KLHL8: variants seen among roughly 807,000 people sequenced by gnomAD.
KLHL8 encodes kelch-like protein 8.
In KLHL8, 38 loss-of-function variants were observed where a neutral mutation model predicts 63.5. That is an observed-to-expected ratio of 0.60 (90% confidence interval 0.46 to 0.78). The LOEUF (loss-of-function observed/expected upper bound fraction) is 0.78, where lower values mean the gene tolerates loss of function less well. Ranked by LOEUF, KLHL8 falls within the 30% of genes least tolerant of loss-of-function variation. The pLI, the probability that KLHL8 is intolerant of heterozygous loss-of-function variation, is 0.00. For missense variants in KLHL8, 566 were observed against 752.4 expected, an observed-to-expected ratio of 0.75 and a Z score of 2.90; for synonymous variants, 224 against 254.3, an observed-to-expected ratio of 0.88 and a Z score of 1.13.
chr4:87,198,867 T>C (rs1022107795), intron 1 of KLHL8, among the ~76,000 whole-genome samples: 4 of 152,172 alleles, frequency 2.6e-5, no homozygotes, highest in Non-Finnish European at 5.9e-5. Flanking sequence ...AACCAAGAGG[T>C]AGAAGCAGCC....
rs548954287 is a variant in KLHL8, at chr4:87,196,138, G to C, written c.-151-448C>G. On this transcript the variant is annotated intron_variant, in intron 1 of 9. Coordinates refer to ENST00000273963, the MANE Select transcript of KLHL8 (RefSeq NM_020803.5). ...CCATGAACTAAAAATCTTAAGTTTT[G>C]AGGCTTAACTGGGAGTTTTTTTTTT... Among the ~76,000 whole-genome samples the C allele has an allele frequency of 2.1e-5, 3 of 144,898 alleles. No individual in the cohort carries two copies. The East Asian group carries it at 6.2e-4, about 30-fold the overall frequency.
Position 87,163,394 on chromosome 4 carries a change from C to T in KLHL8, c.*125G>A. ...CCAAAAGTTGTACTTAGTCACAATA[C>T]AACAGTTAACATTTAAATAAGACTC... On this transcript the variant is annotated 3_prime_UTR_variant, in exon 10 of 10. Transcript: ENST00000273963. 2 of 937,336 alleles carry T rather than the reference C, an allele frequency of 2.1e-6. No individual in the cohort carries two copies. Among genetic ancestry groups the T allele is most frequent in the Non-Finnish European group, 3.2e-6 (2 of 626,290 alleles). The allele number at this position is 937,336 out of a possible 1,614,324, so 58.1% of individuals were successfully genotyped here.
chr4:87,205,412 AACACACAC>A (rs76100807), intron 1 of KLHL8, among the ~76,000 whole-genome samples: 52,312 of 151,028 alleles, frequency 0.35, 9,788 homozygotes, highest in Middle Eastern at 0.55. Context: ...GACTCAAGAA[AACACACAC>A]ACACACACAC....
intron 6 of KLHL8, 133 bp downstream of exon 6, chr4:87,176,624 C>T: frequency 1.7e-6 from 1 of 595,966 alleles, no homozygotes. Context: ...TCACTTTGGA[C>T]ATGCTAACAA....
At chr4:87,208,445 C>T (rs1578396450) in intron 1 of KLHL8, among the ~76,000 whole-genome samples, 1 of 151,554 alleles carries the variant, frequency 6.6e-6, no homozygotes, top group African/African-American at 2.4e-5. Flanking sequence ...CGGCTTATCA[C>T]AGCCTTGACC....
intron 2 of KLHL8, among the ~76,000 whole-genome samples, chr4:87,194,684 C>T (rs375107577): frequency 5.3e-5 from 8 of 152,280 alleles, no homozygotes; most frequent in Admixed American, 3.9e-4. Flanking sequence ...TCAACAAAGG[C>T]TTTTCCATAC....
upstream of KLHL8, among the ~76,000 whole-genome samples, chr4:87,224,969 G>C (rs925551479): frequency 1.3e-5 from 2 of 152,038 alleles, no homozygotes; most frequent in African/African-American, 4.8e-5. Flanking sequence ...GGGATGGGGG[G>C]ATTTTGCTAT....
chr4:87,211,449 A>T (rs1277706748), intron 1 of KLHL8, among the ~76,000 whole-genome samples: 1 of 152,174 alleles, frequency 6.6e-6, no homozygotes, highest in Non-Finnish European at 1.5e-5. Flanking sequence ...AATAGTTCCT[A>T]CTCAAAGTAT....
intron 1 of KLHL8, among the ~76,000 whole-genome samples, chr4:87,218,841 TCTC>T: frequency 6.6e-6 from 1 of 152,152 alleles, no homozygotes; most frequent in South Asian, 2.1e-4. Context: ...TTCAAGCCAT[TCTC>T]CTGTCTTAGC....
At chr4:87,172,379 G>C (rs1447720466) in intron 6 of KLHL8, among the ~76,000 whole-genome samples, 1 of 152,138 alleles carries the variant, frequency 6.6e-6, no homozygotes, top group African/African-American at 2.4e-5. Context: ...TCTTGATTCT[G>C]GCCTTGTGGG....
chr4:87,201,726 C>A (rs1262073458), intron 1 of KLHL8, among the ~76,000 whole-genome samples: 2 of 152,064 alleles, frequency 1.3e-5, no homozygotes, highest in African/African-American at 2.4e-5. Flanking sequence ...ATAAAGACAA[C>A]AGAAAACTCT....
chr4:87,236,458 C>A (rs915562348), intron 1 of KLHL8, among the ~76,000 whole-genome samples: 3 of 151,882 alleles, frequency 2.0e-5, no homozygotes, highest in Non-Finnish European at 2.9e-5. Flanking sequence ...CTGCCCGCCT[C>A]GGCCTTCCAA....
In KLHL8 at chr4:87,199,407, G is replaced by C. The variant is rs1330781810; in HGVS notation, c.-151-3717C>G. ...GACTTGAAACCATAAAGCTACTGGA[G>C]GAAAACACGTGGGGAAAAGGATTCA... On this transcript the variant is annotated intron_variant, in intron 1 of 9. Coordinates refer to ENST00000273963, the MANE Select transcript of KLHL8 (RefSeq NM_020803.5). Among the ~76,000 whole-genome samples, 4 of 152,128 alleles carry C rather than the reference G, an allele frequency of 2.6e-5. No homozygotes were observed. In the East Asian group the frequency reaches 7.7e-4, roughly 29 times the overall value.
At chr4:87,199,057 A>T (rs1367011593) in intron 1 of KLHL8, among the ~76,000 whole-genome samples, 1 of 152,226 alleles carries the variant, frequency 6.6e-6, no homozygotes, top group Non-Finnish European at 1.5e-5. Flanking sequence ...CAGATTGGAT[A>T]AGAAAAAGCA....
chr4:87,164,877 G>T (rs183485412), intron 8 of KLHL8, among the ~76,000 whole-genome samples: 34 of 152,104 alleles, frequency 2.2e-4, no homozygotes, highest in Non-Finnish European at 2.9e-4. Context: ...GGCCGGGCGC[G>T]GTGGCTCACG....
chr4:87,215,473 T>C (rs990267105), intron 1 of KLHL8, among the ~76,000 whole-genome samples: 1 of 152,156 alleles, frequency 6.6e-6, no homozygotes, highest in Non-Finnish European at 1.5e-5. Flanking sequence ...CAACTTTAAA[T>C]GAAAATATTA....
At position 87,163,423 on chromosome 4, in the gene KLHL8, T is replaced by C. The variant is rs1730251931; in HGVS notation, c.*96A>G. 3.3e-6 allele frequency: 4 copies of C among 1,221,946 alleles called. No homozygotes were observed. In the Admixed American group the frequency reaches 6.2e-5, roughly 19 times the overall value. The allele number at this position is 1,221,946 out of a possible 1,614,324, so 75.7% of individuals were successfully genotyped here. Reference sequence around the variant, plus strand: ...AGTTAACATTTAAATAAGACTCTAGTTGCAGTAAAAAGTGTTGAAAGGTGG... The same window carrying C: ...AGTTAACATTTAAATAAGACTCTAGCTGCAGTAAAAAGTGTTGAAAGGTGG... On this transcript the variant is annotated 3_prime_UTR_variant, in exon 10 of 10. Coordinates refer to ENST00000273963, the MANE Select transcript of KLHL8 (RefSeq NM_020803.5).
At chr4:87,178,666 T>G in intron 4 of KLHL8, 46 bp from the exon 5 acceptor site, 1 of 1,466,356 alleles carries the variant, frequency 6.8e-7, no homozygotes, top group Non-Finnish European at 9.0e-7. Context: ...GCTGCCAAGT[T>G]GAAAAAAATT....
chr4:87,186,343 C>A (rs1045271203), intron 2 of KLHL8, among the ~76,000 whole-genome samples: 1 of 151,866 alleles, frequency 6.6e-6, no homozygotes, highest in East Asian at 1.9e-4. Flanking sequence ...CCACCACACT[C>A]GGCCTCTTTT....
Sources: allele counts gnomAD v4.1 joint callset (sites outside exome capture counted in the v4.1 genomes callset), GRCh38; gene constraint gnomAD v4.1.1; transcripts MANE v1.5; gene names NCBI Gene and HGNC (gene_info 2026-07-23, HGNC 2026-07-21).